HCLS1: variants seen among roughly 807,000 people sequenced by gnomAD.
HCLS1 encodes hematopoietic cell-specific Lyn substrate 1, also known as hematopoietic lineage cell-specific protein.
HCLS1 carries 44 observed loss-of-function variants against 68.6 expected under a neutral mutation model. The observed-to-expected ratio is 0.64, with a 90% CI of 0.50 to 0.82. The LOEUF is 0.82. Among genes scored for constraint, HCLS1 ranks in the 40% least tolerant of loss-of-function variants. HCLS1 has a pLI of 0.00. For synonymous variants in HCLS1, 217 were observed against 225.8 expected, an observed-to-expected ratio of 0.96 and a Z score of 0.35; for missense variants, 602 against 612.1, an observed-to-expected ratio of 0.98 and a Z score of 0.17.
intron 3 of HCLS1, among the ~76,000 whole-genome samples, chr3:121,649,927 T>A (rs181548166): frequency 6.6e-6 from 1 of 152,206 alleles, no homozygotes; most frequent in African/African-American, 2.4e-5. Flanking sequence ...GACCTGATCA[T>A]GTATGTAGAA....
At position 121,632,672 on chromosome 3, in the gene HCLS1, C is replaced by T. The variant is rs747446838; in HGVS notation, c.1009-109G>A. On this transcript the variant is annotated intron_variant, in intron 11 of 13. Coordinates refer to ENST00000314583, the MANE Select transcript of HCLS1 (RefSeq NM_005335.6). ...CCACCCTGCCTCTTCTCCCCTCTAC[C>T]CTTGCCTCCATCTAACAGCCTCTCC... The T allele has an allele frequency of 4.4e-4, 400 of 916,006 alleles. 1 individual carries two copies. Among genetic ancestry groups the T allele is most frequent in the Admixed American group, 1.2e-3 (49 of 40,502 alleles). 56.7% of individuals were successfully genotyped at this position (916,006 alleles called of 1,614,324 possible).
rs113380849 is a variant in HCLS1 at position 121,633,038 on chromosome 3, G to A, written c.1008+29C>T. 108 of 1,454,908 alleles carry A rather than the reference G, an allele frequency of 7.4e-5. 1 individual carries two copies. The Middle Eastern group carries it at 8.7e-4, about 12-fold the overall frequency. 90.1% of individuals were successfully genotyped at this position (1,454,908 alleles called of 1,614,324 possible). ...CCTAAGACTCGAGAAGATGGGGTGG[G>A]GGCAGAGAATCTTTGGGGGTTTGCT... On this transcript the variant is annotated intron_variant, in intron 11 of 13. Transcript: ENST00000314583.
chr3:121,632,452 G>GCTCGGGCTCAGC lies in HCLS1; in HGVS notation c.1119_1120insGCTGAGCCCGAG (p.Glu373_Pro374insAlaGluProGlu), dbSNP rs2049107758. ...TCAACGTCCTCATAGTCATTCTCAG[G>GCTCGGGCTCAGC]CTCGGGCTCAGGCTCGGGCTCAGGC... On this transcript the variant is annotated inframe_insertion, in exon 12 of 14. Transcript: ENST00000314583. 3.7e-6 allele frequency: 6 copies of GCTCGGGCTCAGC among 1,612,680 alleles called. No individual in the cohort carries two copies. The highest frequency in any genetic ancestry group is 1.6e-4 in the Middle Eastern group (1 of 6,080).
At chr3:121,635,308 C>A (rs2049140804) in intron 9 of HCLS1, among the ~76,000 whole-genome samples, 1 of 149,048 alleles carries the variant, frequency 6.7e-6, no homozygotes, top group South Asian at 2.2e-4. Flanking sequence ...TCTTTCGTCT[C>A]ACTCTGTCAC....
At chr3:121,648,294 A>C (rs944438369) in intron 3 of HCLS1, among the ~76,000 whole-genome samples, 2 of 152,214 alleles carry the variant, frequency 1.3e-5, no homozygotes, top group Non-Finnish European at 2.9e-5. Flanking sequence ...AAGAGAAAGT[A>C]CCACCAAAAA....
At chr3:121,643,055 C>A in intron 5 of HCLS1, 74 bp from the exon 6 acceptor site, 1 of 1,159,504 alleles carries the variant, frequency 8.6e-7, no homozygotes, top group Non-Finnish European at 1.3e-6. Flanking sequence ...TCCCCTTACT[C>A]CCAGCCAGCC....
At chr3:121,639,093 T>C (rs183588618) in intron 6 of HCLS1, among the ~76,000 whole-genome samples, 16 of 150,890 alleles carry the variant, frequency 1.1e-4, no homozygotes, top group Admixed American at 4.0e-4. Context: ...GAAAGAGAAA[T>C]AGACAAATCT....
chr3:121,652,510 T>C (rs1192601743), intron 3 of HCLS1, among the ~76,000 whole-genome samples: 1 of 151,896 alleles, frequency 6.6e-6, no homozygotes, highest in Non-Finnish European at 1.5e-5. Context: ...ACAAATTAGC[T>C]GGGCAAGGTG....
chr3:121,660,438 G>A (rs1252505656), intron 1 of HCLS1, among the ~76,000 whole-genome samples: 1 of 152,144 alleles, frequency 6.6e-6, no homozygotes, highest in East Asian at 1.9e-4. Flanking sequence ...CATTTCCTGT[G>A]TGGGTTTGTT....
rs766786519 is a variant in HCLS1 at position 121,631,511 on chromosome 3, C to G, written c.*335G>C. ...GCAAATAGCACAATGAGGCAAACCA[C>G]ACAATCTAGACGTACTTTCCCGGGT... is the stretch of plus-strand genomic sequence containing the variant. On this transcript the variant is annotated 3_prime_UTR_variant, in exon 14 of 14. Coordinates refer to ENST00000314583, the MANE Select transcript of HCLS1 (RefSeq NM_005335.6). The G allele has an allele frequency of 1.8e-4, 46 of 250,850 alleles. No individual in the cohort carries two copies. Among genetic ancestry groups the G allele is most frequent in the Non-Finnish European group, 3.1e-4 (40 of 129,972 alleles). 15.5% of individuals were successfully genotyped at this position (250,850 alleles called of 1,614,324 possible).
At chr3:121,648,494 T>C (rs961863471) in intron 3 of HCLS1, among the ~76,000 whole-genome samples, 4 of 152,104 alleles carry the variant, frequency 2.6e-5, no homozygotes, top group Non-Finnish European at 5.9e-5. Context: ...TTGGAAACAT[T>C]TGGGCAAGAG....
intron 11 of HCLS1, 36 bp downstream of exon 11, chr3:121,633,031 G>C: frequency 7.1e-7 from 1 of 1,405,648 alleles, no homozygotes; most frequent in Non-Finnish European, 1.0e-6. Flanking sequence ...TCGAGAAGAT[G>C]GGGTGGGGGC....
At chr3:121,639,033 A>G (rs989903223) in intron 6 of HCLS1, among the ~76,000 whole-genome samples, 16 of 148,160 alleles carry the variant, frequency 1.1e-4, no homozygotes, top group Non-Finnish European at 1.2e-4. Context: ...ACGCACACAC[A>G]CACACACACA....
intron 3 of HCLS1, 33 bp from the exon 4 acceptor site, chr3:121,647,481 T>C (rs770677587): frequency 6.2e-7 from 1 of 1,610,062 alleles, no homozygotes; most frequent in African/African-American, 1.3e-5. Flanking sequence ...GGCTCATCTA[T>C]CCTAGGGAGA....
intron 6 of HCLS1, among the ~76,000 whole-genome samples, chr3:121,641,022 TAA>T (rs1014328945): frequency 6.6e-6 from 1 of 151,936 alleles, no homozygotes; most frequent in Non-Finnish European, 1.5e-5. Context: ...CACAAGGACA[TAA>T]AGAGAAGAGA....
rs80082211 is a variant in HCLS1, at chr3:121,653,195, C to T, written c.158+4084G>A. ...GGTAACTTTATTTTTCCCTTGGGGA[C>T]GCTGAAAAAACTGTTGTGCACCTGT... On this transcript the variant is annotated intron_variant, in intron 3 of 13. Coordinates refer to ENST00000314583, the MANE Select transcript of HCLS1 (RefSeq NM_005335.6). 9.8e-4 allele frequency among the ~76,000 whole-genome samples: 149 copies of T among 152,238 alleles called. 3 individuals are homozygous for T. In the East Asian group the frequency reaches 0.015, roughly 15 times the overall value.
chr3:121,639,530 T>TTTGTTGTTGTTG (rs373818113), intron 6 of HCLS1, among the ~76,000 whole-genome samples: 2 of 151,226 alleles, frequency 1.3e-5, no homozygotes, highest in African/African-American at 4.9e-5. Context: ...GATTTTATTT[T>TTTGTTGTTGTTG]TTGTTGTTGT....
At chr3:121,645,241 C>G (rs1401640141) in intron 4 of HCLS1, among the ~76,000 whole-genome samples, 3 of 152,148 alleles carry the variant, frequency 2.0e-5, no homozygotes, top group Non-Finnish European at 2.9e-5. Context: ...AGAGCTGAAA[C>G]AAGAGCATTG....
chr3:121,635,217 C>T (rs62268723), intron 9 of HCLS1, among the ~76,000 whole-genome samples: 2 of 149,808 alleles, frequency 1.3e-5, no homozygotes, highest in African/African-American at 4.9e-5. Flanking sequence ...CTTTCTCTCT[C>T]TCTCTCTCTT....
Sources: allele counts gnomAD v4.1 joint callset (sites outside exome capture counted in the v4.1 genomes callset), GRCh38; gene constraint gnomAD v4.1.1; transcripts MANE v1.5; gene names NCBI Gene and HGNC (gene_info 2026-07-23, HGNC 2026-07-21).